PRORP: variants seen among roughly 807,000 people sequenced by gnomAD.
PRORP encodes the protein mitochondrial ribonuclease P catalytic subunit.
Under a neutral mutation model 59.4 loss-of-function variants are expected in PRORP, and 51 were observed. The observed-to-expected ratio is 0.86, with a 90% CI of 0.69 to 1.08. The LOEUF (loss-of-function observed/expected upper bound fraction) is 1.08, where lower values mean the gene tolerates loss of function less well. PRORP is among the 50% of genes least tolerant of loss of function. The pLI is 0.00. For missense variants in PRORP, 646 were observed against 690.3 expected (o/e 0.94, Z 0.72); for synonymous variants, 231 against 245.6 (o/e 0.94, Z 0.55).
Position 35,215,285 on chromosome 14 carries a change from T to C in PRORP, c.1275+34508T>C, listed in dbSNP as rs143467825. ...GGGTGCTGTGGTATTTCTCAGTACTTTAGCATCTTCTTGAAAGGAACTGAA... is the reference window on the plus strand; with the variant it reads ...GGGTGCTGTGGTATTTCTCAGTACTCTAGCATCTTCTTGAAAGGAACTGAA... On this transcript the variant is annotated intron_variant, in intron 5 of 7. Transcript: ENST00000534898. Among the ~76,000 whole-genome samples, 97 of 152,312 alleles carry C rather than the reference T, an allele frequency of 6.4e-4. No individual in the cohort carries two copies. In the East Asian group the frequency reaches 0.016, roughly 25 times the overall value.
chr14:35,206,664 G>A (rs1422688563), intron 5 of PRORP, among the ~76,000 whole-genome samples: 2 of 152,118 alleles, frequency 1.3e-5, no homozygotes, highest in African/African-American at 2.4e-5. Flanking sequence ...CAGAAGGCAG[G>A]AGAACTGCAC....
chr14:35,184,515 CT>C (rs2048695849), intron 5 of PRORP, among the ~76,000 whole-genome samples: 3 of 152,158 alleles, frequency 2.0e-5, no homozygotes, highest in Admixed American at 2.0e-4. Context: ...TAACCTAAAT[CT>C]TTTTTAAAAA....
At chr14:35,269,750 A>T (rs910651531) in intron 6 of PRORP, among the ~76,000 whole-genome samples, 4 of 152,154 alleles carry the variant, frequency 2.6e-5, no homozygotes, top group Non-Finnish European at 5.9e-5. Context: ...CATTTGAATC[A>T]AGGCATAGGG....
chr14:35,161,632 T>C (rs2048062623), intron 4 of PRORP, among the ~76,000 whole-genome samples: 1 of 152,172 alleles, frequency 6.6e-6, no homozygotes, highest in Admixed American at 6.5e-5. Flanking sequence ...CAAGATTTTA[T>C]AATTAAAAAT....
At chr14:35,252,990 G>T (rs2050650630) in intron 5 of PRORP, among the ~76,000 whole-genome samples, 1 of 151,978 alleles carries the variant, frequency 6.6e-6, no homozygotes, top group South Asian at 2.1e-4. Context: ...TGCTTTTTCT[G>T]ATCAGAATAT....
At position 35,144,680 on chromosome 14, in the gene PRORP, T is replaced by C. The variant is rs746159733; in HGVS notation, c.1167+17069T>C. ...CTTTGATACTATGCCCAAACTCTAC[T>C]GTACACTTGTGAGCAAATGAGAGTG... is the stretch of plus-strand genomic sequence containing the variant. On this transcript the variant is annotated intron_variant, in intron 4 of 7. Coordinates refer to ENST00000534898, the MANE Select transcript of PRORP (RefSeq NM_014672.4). Among the ~76,000 whole-genome samples the C allele has an allele frequency of 8.6e-4, 125 of 146,046 alleles. 20 individuals carry two copies. Among genetic ancestry groups the C allele is most frequent in the Non-Finnish European group, 4.4e-4 (29 of 65,704 alleles).
At chr14:35,215,621 C>T (rs1380014700) in intron 5 of PRORP, among the ~76,000 whole-genome samples, 3 of 152,012 alleles carry the variant, frequency 2.0e-5, no homozygotes, top group Non-Finnish European at 2.9e-5. Context: ...GGAATGGTGG[C>T]GTCTGCCTAT....
intron 5 of PRORP, among the ~76,000 whole-genome samples, chr14:35,200,202 T>C (rs962847892): frequency 6.6e-6 from 1 of 151,090 alleles, no homozygotes. Context: ...TTGTTTGTTT[T>C]TTTCTTTTGA....
At chr14:35,148,754 G>A (rs1218394299) in intron 4 of PRORP, among the ~76,000 whole-genome samples, 1 of 152,118 alleles carries the variant, frequency 6.6e-6, no homozygotes, top group Non-Finnish European at 1.5e-5. Flanking sequence ...GTTGCTTAGT[G>A]TAGCCACCTT....
intron 5 of PRORP, chr14:35,262,875 C>G (rs2050940515): frequency 1.3e-6 from 2 of 1,550,344 alleles, no homozygotes; most frequent in African/African-American, 2.7e-5. Context: ...ATCTCAAGCC[C>G]AGAAAGATGA....
At chr14:35,155,474 C>T (rs2047889859) in intron 4 of PRORP, among the ~76,000 whole-genome samples, 1 of 149,940 alleles carries the variant, frequency 6.7e-6, no homozygotes, top group African/African-American at 2.5e-5. Context: ...GTAATCCCAG[C>T]ACTTCGGGAA....
chr14:35,208,478 G>A (rs974567053), intron 5 of PRORP, among the ~76,000 whole-genome samples: 1 of 152,134 alleles, frequency 6.6e-6, no homozygotes, highest in African/African-American at 2.4e-5. Flanking sequence ...AAATGTTCTA[G>A]TAGCCACAAT....
intron 5 of PRORP, among the ~76,000 whole-genome samples, chr14:35,218,519 CT>C (rs1163711572): frequency 9.9e-5 from 7 of 70,694 alleles, no homozygotes; most frequent in East Asian, 4.5e-4. Context: ...ACTGATTGTA[CT>C]TTTTTTTTTT....
At chr14:35,121,942 A>C, upstream of PRORP, 1 of 1,614,166 alleles carries the variant, frequency 6.2e-7, no homozygotes, top group Non-Finnish European at 8.5e-7. Context: ...GCCGACGAAG[A>C]ACTTCTTTCC....
chr14:35,190,823 G>A (rs1204488324), intron 5 of PRORP, among the ~76,000 whole-genome samples: 2 of 152,118 alleles, frequency 1.3e-5, no homozygotes, highest in African/African-American at 4.8e-5. Flanking sequence ...AAAAGTATTA[G>A]TTATGGACCC....
intron 4 of PRORP, among the ~76,000 whole-genome samples, chr14:35,160,851 A>C (rs534164755): frequency 1.3e-5 from 2 of 152,360 alleles, no homozygotes; most frequent in South Asian, 4.1e-4. Context: ...GGCAATCCTC[A>C]GCCAAAAAAC....
intron 4 of PRORP, among the ~76,000 whole-genome samples, chr14:35,139,823 T>G (rs950952355): frequency 2.1e-5 from 3 of 145,836 alleles, no homozygotes; most frequent in Non-Finnish European, 4.6e-5. Flanking sequence ...GAAATCAAGA[T>G]GTTGGCAAGG....
At chr14:35,151,942 T>G (rs1191626725) in intron 4 of PRORP, among the ~76,000 whole-genome samples, 1 of 150,820 alleles carries the variant, frequency 6.6e-6, no homozygotes, top group Non-Finnish European at 1.5e-5. Flanking sequence ...ATCTTTTTTT[T>G]TTTTTTTTTA....
intron 7 of PRORP, among the ~76,000 whole-genome samples, 177 bp from the exon 8 acceptor site, chr14:35,273,258 T>A (rs1035627632): frequency 1.3e-5 from 2 of 152,174 alleles, no homozygotes; most frequent in Non-Finnish European, 2.9e-5. Flanking sequence ...AAAAAGGAAC[T>A]CCTAATATTA....
Sources: allele counts gnomAD v4.1 joint callset (sites outside exome capture counted in the v4.1 genomes callset), GRCh38; gene constraint gnomAD v4.1.1; transcripts MANE v1.5; gene names NCBI Gene and HGNC (gene_info 2026-07-23, HGNC 2026-07-21).